COL4A3: variants seen among roughly 807,000 people sequenced by gnomAD.
The protein encoded by COL4A3 is collagen alpha-3(IV) chain.
Under a neutral mutation model 217.4 loss-of-function variants are expected in COL4A3, and 135 were observed. That is an observed-to-expected ratio of 0.62 (90% CI 0.54 to 0.72). The LOEUF (loss-of-function observed/expected upper bound fraction) is 0.72, where lower values mean the gene tolerates loss of function less well. Among genes scored for constraint, COL4A3 ranks in the 30% least tolerant of loss-of-function variants. The probability of loss-of-function intolerance (pLI) is 0.00; values close to 1 mark genes in which losing one functional copy is unlikely to be tolerated. For missense variants in COL4A3, 1,868 were observed against 2,119.9 expected (o/e 0.88, Z 2.33); for synonymous variants, 690 against 736.3 (o/e 0.94, Z 1.02).
At chr2:227,264,073 T>C in intron 21 of COL4A3, 129 bp downstream of exon 21, 2 of 1,002,602 alleles carry the variant, frequency 2.0e-6, no homozygotes, top group East Asian at 2.5e-5. Flanking sequence ...ACCTTTCCAA[T>C]GGTCTTCATT....
chr2:227,209,773 C>T (rs1334439585), intron 1 of COL4A3, among the ~76,000 whole-genome samples: 9 of 152,242 alleles, frequency 5.9e-5, no homozygotes, highest in South Asian at 2.1e-4. Flanking sequence ...ACCTGGGAGG[C>T]GGAGGTTGCA....
intron 43 of COL4A3, among the ~76,000 whole-genome samples, chr2:227,300,825 G>T (rs1433242047): frequency 6.6e-6 from 1 of 152,192 alleles, no homozygotes; most frequent in Non-Finnish European, 1.5e-5. Context: ...CCTCCCCAAG[G>T]AGATTGATGC....
Position 227,295,043 on chromosome 2 carries a change from C to T in COL4A3, c.3498C>T (p.Ala1166=), listed in dbSNP as rs754567461. ...GACGTGATGGAATTCCTGGTCCAGC[C>T]GGAGAAAAGGGAGAAACGGGTACAA... The part of the protein sequence containing the change: ...DQGRDGIPGP[A]GEKGETGLLR... Residue 1166 remains alanine (A), a synonymous_variant, in exon 40 of 52, where the codon GCC becomes GCT. Transcript: ENST00000396578. The T allele has an allele frequency of 9.9e-6, 16 of 1,613,368 alleles. No homozygotes were observed. Among genetic ancestry groups the T allele is most frequent in the Admixed American group, 6.7e-5 (4 of 59,950 alleles).
At chr2:227,165,352 A>G (rs1315915771) in intron 1 of COL4A3, among the ~76,000 whole-genome samples, 1 of 152,184 alleles carries the variant, frequency 6.6e-6, no homozygotes, top group Non-Finnish European at 1.5e-5. Context: ...TATTGTTGGG[A>G]AAAGCAAATG....
In COL4A3 at chr2:227,253,325, T is replaced by G. The variant is rs367635426; in HGVS notation, c.675T>G (p.His225Gln). 2.1e-5 allele frequency: 34 copies of G among 1,613,842 alleles called. No homozygotes were observed. Among genetic ancestry groups the G allele is most frequent in the Non-Finnish European group, 2.5e-6 (3 of 1,179,716 alleles). Residue 225 changes from histidine to glutamine, a missense_variant, in exon 12 of 52, where the codon CAT becomes CAG. This residue lies in a region of COL4A3 where 365 missense variants were observed against 333.8 expected (regional missense o/e 1.09). Transcript: ENST00000396578. The surrounding 1 kb of genome is among the most constrained non-coding windows in gnomAD (Gnocchi z 4.4). ...KGHMGERVIG[H>Q]KGERGVKGLT... ...ACATGGGTGAAAGAGTGATAGGACA[T>G]AAAGGAGAGCGGGTAATTTAAATAC...
At chr2:227,285,783 T>C (rs1234276584) in intron 34 of COL4A3, among the ~76,000 whole-genome samples, 1 of 152,212 alleles carries the variant, frequency 6.6e-6, no homozygotes, top group African/African-American at 2.4e-5. Flanking sequence ...CCAACAAAAC[T>C]CTTTTACTCA....
At chr2:227,171,952 T>C (rs2065488908) in intron 1 of COL4A3, among the ~76,000 whole-genome samples, 1 of 152,200 alleles carries the variant, frequency 6.6e-6, no homozygotes, top group South Asian at 2.1e-4. Flanking sequence ...GATTCTTCCC[T>C]TGGGGTGGGC....
chr2:227,249,228 ATATTTTTTT>A (rs1200508560), intron 9 of COL4A3, among the ~76,000 whole-genome samples: 2 of 22,188 alleles, frequency 9.0e-5, no homozygotes, highest in African/African-American at 3.0e-4. Context: ...ATATATATAT[ATATTTTTTT>A]TTTTTTTTTT....
chr2:227,241,538 G>C (rs1300257832), intron 3 of COL4A3, among the ~76,000 whole-genome samples: 2 of 152,034 alleles, frequency 1.3e-5, no homozygotes, highest in Non-Finnish European at 2.9e-5. Flanking sequence ...GCCAGGTGTG[G>C]TGGCATATGC....
chr2:227,296,267 C>T (rs1032511510), intron 41 of COL4A3: 4 of 152,440 alleles, frequency 2.6e-5, no homozygotes, highest in African/African-American at 7.2e-5. Flanking sequence ...GATGAAGGCT[C>T]TTCCTGTTCC....
intron 1 of COL4A3, among the ~76,000 whole-genome samples, chr2:227,183,386 T>C (rs905090456): frequency 6.6e-6 from 1 of 152,032 alleles, no homozygotes; most frequent in East Asian, 1.9e-4. Context: ...AAAAAAGAAA[T>C]GGTGCTCAGG....
intron 23 of COL4A3, among the ~76,000 whole-genome samples, chr2:227,269,273 T>C (rs2071097536): frequency 6.6e-6 from 1 of 152,224 alleles, no homozygotes; most frequent in East Asian, 1.9e-4. Flanking sequence ...AAGGAAATAA[T>C]TGGATAAATT....
rs373176486 is a variant in COL4A3, at chr2:227,307,819, C to A, written c.4362C>A (p.Thr1454=). 3 of 1,614,034 alleles carry A rather than the reference C, an allele frequency of 1.9e-6. No individual in the cohort carries two copies. In the African/African-American group the frequency reaches 4.0e-5, roughly 22 times the overall value. The change falls in exon 48 of 52, where the codon ACC becomes ACA. Residue 1454 remains threonine, a synonymous_variant. Transcript: ENST00000396578. ...RGFVFTRHSQ[T]TAIPSCPEGT... ...TTGTCTTCACCCGACACAGTCAAAC[C>A]ACAGCAATTCCTTCATGTCCAGAGG...
chr2:227,209,061 A>AT (rs751099618), intron 1 of COL4A3, among the ~76,000 whole-genome samples: 216 of 152,306 alleles, frequency 1.4e-3, no homozygotes, highest in Non-Finnish European at 2.2e-3. Context: ...TTGGAACCTC[A>AT]TTTTTTGCCT....
At chr2:227,268,705 G>C (rs563462241) in intron 23 of COL4A3, 1 of 152,220 alleles carries the variant, frequency 6.6e-6, no homozygotes, top group East Asian at 1.9e-4. Flanking sequence ...GAAGGGGCAG[G>C]GGGGAGGTAG....
At position 227,313,963 on chromosome 2, in the gene COL4A3, CTA is replaced by C. The variant is rs981859181; in HGVS notation, c.*2095_*2096del. The C allele has an allele frequency of 2.0e-5, 3 of 152,326 alleles. No individual in the cohort carries two copies. The highest frequency in any genetic ancestry group is 7.2e-5 in the African/African-American group (3 of 41,434). 9.4% of individuals were successfully genotyped at this position (152,326 alleles called of 1,614,324 possible). Reference sequence around the variant, plus strand: ...ACTCTTGGGGGAGGGCCCGAAATATCTATGTTTTACCAAGCCCACCACATGAT... The same window carrying C: ...ACTCTTGGGGGAGGGCCCGAAATATCTGTTTTACCAAGCCCACCACATGAT... On this transcript the variant is annotated 3_prime_UTR_variant, in exon 52 of 52. Transcript: ENST00000396578.
At chr2:227,213,901 C>CAAAAAAAAAAAAA (rs5839195) in intron 1 of COL4A3, among the ~76,000 whole-genome samples, 7 of 89,152 alleles carry the variant, frequency 7.9e-5, no homozygotes, top group South Asian at 4.1e-4. Context: ...AACTCTGTCT[C>CAAAAAAAAAAAAA]AAAAAAAAAA....
intron 9 of COL4A3, 110 bp from the exon 10 acceptor site, chr2:227,251,030 G>T: frequency 1.1e-6 from 1 of 872,064 alleles, no homozygotes; most frequent in East Asian, 2.6e-5. Flanking sequence ...AAGGGGAGGT[G>T]TTATGCTCTT....
chr2:227,214,267 T>G (rs1206952702), intron 1 of COL4A3, among the ~76,000 whole-genome samples: 1 of 152,220 alleles, frequency 6.6e-6, no homozygotes, highest in South Asian at 2.1e-4. Context: ...ATATATATTA[T>G]ACCTTTTCTC....
Sources: gnomAD v4.1 joint callset for allele counts (sites outside exome capture counted in the v4.1 genomes callset) on GRCh38, gnomAD v4.1.1 for gene constraint, gnomAD v4.1.1 regional missense constraint, Gnocchi (gnomAD v3.1) non-coding constraint, MANE v1.5 for transcripts, NCBI Gene and HGNC (gene_info 2026-07-23, HGNC 2026-07-21) for gene names.